Variants in CIB2 observed in about 807,000 individuals in gnomAD.
CIB2 encodes calcium and integrin-binding family member 2.
In CIB2, 19 loss-of-function variants were observed where a neutral mutation model predicts 23.1. That is an observed-to-expected ratio of 0.82 (90% confidence interval 0.57 to 1.21). The LOEUF (loss-of-function observed/expected upper bound fraction) is 1.21, where lower values mean the gene tolerates loss of function less well. Among genes scored for constraint, CIB2 ranks in the 50% most tolerant of loss-of-function variants. The pLI, the probability that CIB2 is intolerant of heterozygous loss-of-function variation, is 0.00. For synonymous variants in CIB2, 94 were observed against 91.7 expected (o/e 1.03, Z -0.14); for missense variants, 220 against 241.5 (o/e 0.91, Z 0.59).
In CIB2 at chr15:78,105,951, G is replaced by A. The variant is rs1205561878; in HGVS notation, c.347-17C>T. ...TGTTGAAGTCTGTAGGGCAGGGGTT[G>A]GACATGTTCAAGTCCAGGCTGCGTG... On this transcript the variant is annotated splice_polypyrimidine_tract_variant and intron_variant, in intron 4 of 5. Transcript: ENST00000258930. 3 of 1,611,034 alleles carry A rather than the reference G, an allele frequency of 1.9e-6. No homozygotes were observed. The South Asian group carries it at 3.3e-5, about 18-fold the overall frequency.
rs149494764 is a variant in CIB2, at chr15:78,121,126, G to A, written c.86+2579C>T. ...GTTCCCTCTAGGGACAGGCAATCCC[G>A]AATCTGTCTTGTCTTAACTACCCTT... On this transcript the variant is annotated intron_variant, in intron 2 of 5. Coordinates refer to ENST00000258930, the MANE Select transcript of CIB2 (RefSeq NM_006383.4). Among the ~76,000 whole-genome samples, 907 of 152,248 alleles carry A rather than the reference G, an allele frequency of 6.0e-3. 12 individuals carry two copies. Among genetic ancestry groups the A allele is most frequent in the African/African-American group, 0.021 (863 of 41,544 alleles).
intron 2 of CIB2, 44 bp from the exon 3 acceptor site, chr15:78,111,320 C>T (rs1157722349): frequency 6.6e-7 from 1 of 1,524,998 alleles, no homozygotes; most frequent in African/African-American, 1.4e-5. Context: ...GGTGCCATCC[C>T]TAAGCCCCAG....
intron 1 of CIB2, among the ~76,000 whole-genome samples, chr15:78,129,260 C>T (rs1225839723): frequency 6.6e-6 from 1 of 152,110 alleles, no homozygotes; most frequent in Non-Finnish European, 1.5e-5. Flanking sequence ...AGATGTGGGG[C>T]TCTCAGGTTT....
chr15:78,109,315 T>C lies in CIB2; in HGVS notation c.266A>G (p.Asn89Ser), dbSNP rs768703133. Residue 89 changes from asparagine (N) to serine (S), a missense_variant, in exon 4 of 6, where the codon AAC (asparagine) becomes AGC (serine). Transcript: ENST00000258930. ...SEDGEGNLTF[N>S]DFVDMFSVLC... ...CACGGAAAACATGTCCACAAAGTCG[T>C]TGAAAGTGAGGTTCCCCTCACCATC... The C allele has an allele frequency of 2.7e-5, 43 of 1,613,466 alleles. No homozygotes were observed. The highest frequency in any genetic ancestry group is 3.4e-5 in the Non-Finnish European group (40 of 1,179,728).
At chr15:78,114,375 A>G (rs1246857184) in intron 2 of CIB2, among the ~76,000 whole-genome samples, 1 of 152,236 alleles carries the variant, frequency 6.6e-6, no homozygotes, top group Non-Finnish European at 1.5e-5. Context: ...AGAAACTCTA[A>G]GCATTGTCAA....
In CIB2 at chr15:78,115,147, C is replaced by T. The variant is rs186850439; in HGVS notation, c.87-3871G>A. Among the ~76,000 whole-genome samples, 325 of 152,286 alleles carry T rather than the reference C, an allele frequency of 2.1e-3. 2 individuals are homozygous for T. Among genetic ancestry groups the T allele is most frequent in the African/African-American group, 7.5e-3 (312 of 41,558 alleles). ...AGAAGTTATATACTACATGTTTACA[C>T]TGATAGTCCCTGGGAGGTGGGAGTA... is the stretch of plus-strand genomic sequence containing the variant. On this transcript the variant is annotated intron_variant, in intron 2 of 5. Coordinates refer to ENST00000258930, the MANE Select transcript of CIB2 (RefSeq NM_006383.4).
chr15:78,129,004 T>A lies in CIB2; in HGVS notation c.51+2161A>T, dbSNP rs527571829. On this transcript the variant is annotated intron_variant, in intron 1 of 5. Coordinates refer to ENST00000258930, the MANE Select transcript of CIB2 (RefSeq NM_006383.4). ...TGTTGGAGAGGCTGTGACCCCTGTT[T>A]TGGAGTTTGAGGGGTCTGGGGGATG... Among the ~76,000 whole-genome samples the A allele has an allele frequency of 2.6e-5, 4 of 152,090 alleles. No homozygotes were observed. The South Asian group carries it at 8.3e-4, about 32-fold the overall frequency.
intron 2 of CIB2, among the ~76,000 whole-genome samples, chr15:78,120,207 A>G (rs1470933545): frequency 1.3e-5 from 2 of 152,110 alleles, no homozygotes; most frequent in African/African-American, 4.8e-5. Flanking sequence ...CCCGACCACA[A>G]TCTGACTTTT....
At position 78,105,248 on chromosome 15, in the gene CIB2, A is replaced by T. The variant is rs1025236701; in HGVS notation, c.*63T>A. 4 of 1,609,762 alleles carry T rather than the reference A, an allele frequency of 2.5e-6. No individual in the cohort carries two copies. Among genetic ancestry groups the T allele is most frequent in the African/African-American group, 1.3e-5 (1 of 74,802 alleles). On this transcript the variant is annotated 3_prime_UTR_variant, in exon 6 of 6. Transcript: ENST00000258930. ...TGCTTTCCTGGGGAGCTTGGAGGCC[A>T]CACCCATGTGACTGCAGGGCAGGAT...
chr15:78,113,525 T>C (rs544822575), intron 2 of CIB2, among the ~76,000 whole-genome samples: 1 of 126,346 alleles, frequency 7.9e-6, no homozygotes. Flanking sequence ...ATCTTCTTTC[T>C]TTCTTTCTTT....
intron 1 of CIB2, among the ~76,000 whole-genome samples, chr15:78,128,485 T>C (rs1044959319): frequency 9.2e-5 from 14 of 152,176 alleles, no homozygotes; most frequent in Non-Finnish European, 1.9e-4. Flanking sequence ...GAGACCAGCC[T>C]GGCCAACATG....
chr15:78,116,645 C>T (rs538942943), intron 2 of CIB2, among the ~76,000 whole-genome samples: 205 of 152,166 alleles, frequency 1.3e-3, no homozygotes, highest in African/African-American at 4.6e-3. Flanking sequence ...TAAAATAGTA[C>T]ACTTAAATAC....
chr15:78,107,062 A>G (rs1485855218), intron 4 of CIB2, among the ~76,000 whole-genome samples: 1 of 151,622 alleles, frequency 6.6e-6, no homozygotes, highest in Non-Finnish European at 1.5e-5. Flanking sequence ...CCCCGTCTCT[A>G]CTAAAAATAC....
chr15:78,124,319 T>A (rs769535793), intron 1 of CIB2, among the ~76,000 whole-genome samples: 207 of 150,154 alleles, frequency 1.4e-3, no homozygotes, highest in Non-Finnish European at 2.1e-3. Flanking sequence ...CAGGGAGATA[T>A]GGGAGGGAGA....
chr15:78,117,875 G>A (rs1433236213), intron 2 of CIB2, among the ~76,000 whole-genome samples: 2 of 152,210 alleles, frequency 1.3e-5, no homozygotes, highest in African/African-American at 4.8e-5. Context: ...TATAACAGCA[G>A]TGGGAGGAAA....
chr15:78,110,580 CATATT>C, intron 3 of CIB2: 3 of 445,890 alleles, frequency 6.7e-6, no homozygotes, highest in Non-Finnish European at 1.4e-5. Flanking sequence ...ATGCACTTTA[CATATT>C]ATGGATAAGG....
rs1567049869 is a variant in CIB2 at position 78,109,209 on chromosome 15, AG to A, written c.346+25del. 3 of 832,110 alleles carry A rather than the reference AG, an allele frequency of 3.6e-6. No homozygotes were observed. In the East Asian group the frequency reaches 1.4e-4, roughly 40 times the overall value. 51.5% of individuals were successfully genotyped at this position (832,110 alleles called of 1,614,324 possible). ...CCACATGTTCCCCCACCGCATATTC[AG>A]GCCCCCTCCTCTAGCCCTGGTTACC... On this transcript the variant is annotated intron_variant, in intron 4 of 5. Transcript: ENST00000258930.
intron 2 of CIB2, among the ~76,000 whole-genome samples, chr15:78,116,030 A>C (rs1026037027): frequency 2.1e-4 from 32 of 152,164 alleles, no homozygotes; most frequent in African/African-American, 7.7e-4. Context: ...TACGCTAAAC[A>C]TGTATAGATT....
chr15:78,121,130 CTGTCT>C (rs1268788276), intron 2 of CIB2, among the ~76,000 whole-genome samples: 1 of 152,192 alleles, frequency 6.6e-6, no homozygotes, highest in Non-Finnish European at 1.5e-5. Context: ...AATCCCGAAT[CTGTCT>C]TGTCTTAACT....
Sources: gnomAD v4.1 joint callset for allele counts (sites outside exome capture counted in the v4.1 genomes callset) on GRCh38, gnomAD v4.1.1 for gene constraint, MANE v1.5 for transcripts, NCBI Gene and HGNC (gene_info 2026-07-23, HGNC 2026-07-21) for gene names.